Variants in LRRC58 observed in about 807,000 individuals in gnomAD.
LRRC58 encodes the protein leucine rich repeat containing 58.
A neutral mutation model predicts 30.6 loss-of-function variants in LRRC58; 18 were observed. That is an observed-to-expected ratio of 0.59 (90% confidence interval 0.41 to 0.87). LRRC58 has a LOEUF of 0.87. Among genes scored for constraint, LRRC58 ranks in the 40% least tolerant of loss-of-function variants. The probability of loss-of-function intolerance (pLI) is 0.00; values close to 1 mark genes in which losing one functional copy is unlikely to be tolerated. For missense variants in LRRC58, 420 were observed against 468.4 expected (o/e 0.90, Z 0.95); for synonymous variants, 221 against 206.0 (o/e 1.07, Z -0.62).
chr3:120,349,209 C>A lies in LRRC58; in HGVS notation c.35G>T (p.Gly12Val). Residue 12 changes from glycine (G) to valine (V), a missense_variant, in exon 1 of 4, where the codon GGG becomes GTG. Around this residue, in one of 2 missense-constraint regions of LRRC58, gnomAD observed 266 missense variants for 251.7 expected, o/e 1.06. Transcript: ENST00000295628. ...EEAGAAVVTA[G>V]EAELNWSRLS... The stretch of plus-strand genomic sequence containing the variant: ...GCGGGACCAGTTCAGTTCGGCCTCC[C>A]CGGCCGTGACCACCGCTGCTCCGGC... The A allele has an allele frequency of 7.0e-7, 1 of 1,437,134 alleles. No homozygotes were observed. Among genetic ancestry groups the A allele is most frequent in the Non-Finnish European group, 9.1e-7 (1 of 1,100,918 alleles). The allele number at this position is 1,437,134 out of a possible 1,614,324, so 89.0% of individuals were successfully genotyped here.
chr3:120,343,760 T>C (rs1935932742), intron 1 of LRRC58, among the ~76,000 whole-genome samples: 2 of 152,166 alleles, frequency 1.3e-5, no homozygotes, highest in South Asian at 4.1e-4. Context: ...CTGGGCACAG[T>C]GGTTCACGTC....
At chr3:120,331,999 A>G (rs1394400796) in intron 3 of LRRC58, among the ~76,000 whole-genome samples, 1 of 152,228 alleles carries the variant, frequency 6.6e-6, no homozygotes, top group African/African-American at 2.4e-5. Context: ...ACACATCGTC[A>G]GGTAAACTGA....
chr3:120,336,905 C>A (rs898408906), intron 1 of LRRC58, among the ~76,000 whole-genome samples: 13 of 149,788 alleles, frequency 8.7e-5, no homozygotes, highest in Non-Finnish European at 1.6e-4. Context: ...AAAATGTATA[C>A]AAACACATAC....
chr3:120,346,763 T>C (rs920218938), intron 1 of LRRC58, among the ~76,000 whole-genome samples: 2 of 152,208 alleles, frequency 1.3e-5, no homozygotes, highest in Non-Finnish European at 2.9e-5. Context: ...CAAGCTGGTA[T>C]AGGCTACCAT....
chr3:120,348,547 C>A (rs1936005904), intron 1 of LRRC58, among the ~76,000 whole-genome samples, 197 bp downstream of exon 1: 1 of 152,202 alleles, frequency 6.6e-6, no homozygotes, highest in African/African-American at 2.4e-5. Context: ...ACACAACACA[C>A]CAAACAGTCA....
At chr3:120,345,298 C>T (rs565426041) in intron 1 of LRRC58, among the ~76,000 whole-genome samples, 26 of 152,082 alleles carry the variant, frequency 1.7e-4, no homozygotes, top group Non-Finnish European at 3.4e-4. Context: ...ATAGTCTGTA[C>T]TATTTTAATA....
At chr3:120,331,442 C>G (rs532436092) in intron 3 of LRRC58, 34 bp from the exon 4 acceptor site, 1 of 1,513,798 alleles carries the variant, frequency 6.6e-7, no homozygotes, top group South Asian at 1.1e-5. Flanking sequence ...GTAATCATTA[C>G]AAAGCAAGGA....
intron 1 of LRRC58, among the ~76,000 whole-genome samples, chr3:120,345,505 A>G (rs1275853658): frequency 1.3e-5 from 2 of 152,228 alleles, no homozygotes; most frequent in African/African-American, 4.8e-5. Flanking sequence ...TACATTTTTG[A>G]AGCTTTAATG....
chr3:120,336,907 AACACATACAGATTTTTTCT>A (rs1394360909), intron 1 of LRRC58, among the ~76,000 whole-genome samples: 10 of 150,276 alleles, frequency 6.7e-5, no homozygotes, highest in African/African-American at 2.4e-4. Context: ...AATGTATACA[AACACATACAGATTTTTTCT>A]CCCAATACTG....
intron 1 of LRRC58, among the ~76,000 whole-genome samples, chr3:120,342,804 G>A (rs903587733): frequency 1.1e-4 from 17 of 152,214 alleles, no homozygotes; most frequent in African/African-American, 3.9e-4. Flanking sequence ...CCGTAACAAT[G>A]TGAGGCCACA....
rs66631816 is a variant in LRRC58, at chr3:120,327,247, C to CTTTTTTTTTTTTTTTT, written c.*3937_*3952dup. The CTTTTTTTTTTTTTTTT allele has an allele frequency of 1.0e-5, 1 of 96,714 alleles. No homozygotes were observed. The highest frequency in any genetic ancestry group is 2.6e-4 in the East Asian group (1 of 3,916). 6.0% of individuals were successfully genotyped at this position (96,714 alleles called of 1,614,324 possible). Reference sequence around the variant, plus strand: ...CTAGCCCTGTGGCTTCTAAAGATTTCTTTTTTTTTTTTTTTTTTTTTTGAG... The same window carrying CTTTTTTTTTTTTTTTT: ...CTAGCCCTGTGGCTTCTAAAGATTTCTTTTTTTTTTTTTTTTTTTTTTTTTTTTTTTTTTTTTTGAG... On this transcript the variant is annotated 3_prime_UTR_variant, in exon 4 of 4. Coordinates refer to ENST00000295628, the MANE Select transcript of LRRC58 (RefSeq NM_001099678.2).
chr3:120,334,509 AAAATAAATAAAT>A (rs141062687), intron 3 of LRRC58, among the ~76,000 whole-genome samples: 3 of 150,878 alleles, frequency 2.0e-5, no homozygotes, highest in African/African-American at 7.4e-5. Context: ...CTCTGTCTCA[AAAATAAATAAAT>A]AAATAAATAA....
At chr3:120,335,650 TA>T (rs1255752342) in intron 2 of LRRC58, among the ~76,000 whole-genome samples, 174 bp downstream of exon 2, 1 of 152,188 alleles carries the variant, frequency 6.6e-6, no homozygotes, top group Non-Finnish European at 1.5e-5. Flanking sequence ...CCAGAGCATT[TA>T]AAAGTGAAAT....
At chr3:120,345,629 T>C (rs1655815732) in intron 1 of LRRC58, among the ~76,000 whole-genome samples, 1 of 152,232 alleles carries the variant, frequency 6.6e-6, no homozygotes, top group African/African-American at 2.4e-5. Context: ...TTTCCTCATC[T>C]GTAAATAGAA....
At position 120,348,875 on chromosome 3, in the gene LRRC58, C is replaced by A. The variant is rs776376201; in HGVS notation, c.369G>T (p.Gln123His). 4 of 1,595,480 alleles carry A rather than the reference C, an allele frequency of 2.5e-6. No homozygotes were observed. The highest frequency in any genetic ancestry group is 2.3e-5 in the East Asian group (1 of 43,986). Reference sequence around the variant, plus strand: ...AACAGTTGCCGCTGAGGTTGAGCACCTGGAGGCTGCGGCAGAGCGGCGACT... The same window carrying A: ...AACAGTTGCCGCTGAGGTTGAGCACATGGAGGCTGCGGCAGAGCGGCGACT... ...LAQSPLCRSL[Q>H]VLNLSGNCFQ... The change falls in exon 1 of 4, where the codon CAG (glutamine) becomes CAT (histidine). Residue 123 changes from glutamine to histidine, a missense_variant. This residue lies in a region of LRRC58 where 266 missense variants were observed against 251.7 expected (regional missense o/e 1.06). Coordinates refer to ENST00000295628, the MANE Select transcript of LRRC58 (RefSeq NM_001099678.2).
At chr3:120,342,008 C>T (rs1053320214) in intron 1 of LRRC58, among the ~76,000 whole-genome samples, 1 of 152,082 alleles carries the variant, frequency 6.6e-6, no homozygotes, top group Non-Finnish European at 1.5e-5. Context: ...CAGCCTGCAC[C>T]CTTGGGGGCC....
chr3:120,331,146 G>A lies in LRRC58; in HGVS notation c.*54C>T, dbSNP rs1400275518. Reference sequence around the variant, plus strand: ...AGTGAACTTCAAGCTCTATTTTCTTGTCTAACCATTTTGCTCAGTTTTTTA... The same window carrying A: ...AGTGAACTTCAAGCTCTATTTTCTTATCTAACCATTTTGCTCAGTTTTTTA... On this transcript the variant is annotated 3_prime_UTR_variant, in exon 4 of 4. Transcript: ENST00000295628. 4 of 1,469,654 alleles carry A rather than the reference G, an allele frequency of 2.7e-6. No homozygotes were observed. The African/African-American group carries it at 4.2e-5, about 15-fold the overall frequency. 91.0% of individuals were successfully genotyped at this position (1,469,654 alleles called of 1,614,324 possible). A position where few individuals can be genotyped will look rare whatever the true frequency, so the allele number is the denominator to read the frequency against.
chr3:120,333,746 G>T (rs985810351), intron 3 of LRRC58, among the ~76,000 whole-genome samples: 3 of 152,126 alleles, frequency 2.0e-5, no homozygotes, highest in African/African-American at 7.2e-5. Flanking sequence ...TGGCCCTTCA[G>T]GCTCTTCACA....
Position 120,349,162 on chromosome 3 carries a change from G to A in LRRC58, c.82C>T (p.Leu28=), listed in dbSNP as rs1351149301. ...WSRLSVSTET[L]ESELEARGEE... is the part of the protein sequence containing the mutation. ...CCCCGCGCCTCCAGCTCAGACTCCA[G>A]CGTCTCGGTGGACACGCTGAGGCGG... Residue 28 remains leucine (L), a synonymous_variant, in exon 1 of 4, where the codon CTG becomes TTG. Transcript: ENST00000295628. 2 of 1,499,956 alleles carry A rather than the reference G, an allele frequency of 1.3e-6. No individual in the cohort carries two copies. The highest frequency in any genetic ancestry group is 5.6e-5 in the East Asian group (2 of 36,024). The allele number at this position is 1,499,956 out of a possible 1,614,324, so 92.9% of individuals were successfully genotyped here.
Sources: gnomAD v4.1 joint callset for allele counts (sites outside exome capture counted in the v4.1 genomes callset) on GRCh38, gnomAD v4.1.1 for gene constraint, gnomAD v4.1.1 regional missense constraint, MANE v1.5 for transcripts, NCBI Gene and HGNC (gene_info 2026-07-23, HGNC 2026-07-21) for gene names.